FAF2: variants seen among roughly 807,000 people sequenced by gnomAD.
FAF2 encodes Fas associated factor family member 2.
FAF2 carries 9 observed loss-of-function variants against 62.3 expected under a neutral mutation model. That is an observed-to-expected ratio of 0.14 (90% CI 0.09 to 0.25). The LOEUF (loss-of-function observed/expected upper bound fraction) is 0.25. Ranked by LOEUF, FAF2 falls within the 10% of genes least tolerant of loss-of-function variation. The pLI is 1.00. For synonymous variants in FAF2, 202 were observed against 198.0 expected (o/e 1.02, Z -0.17); for missense variants, 368 against 556.2 (o/e 0.66, Z 3.40).
intron 1 of FAF2, among the ~76,000 whole-genome samples, chr5:176,454,137 A>G (rs1490880312): frequency 6.6e-6 from 1 of 151,062 alleles, no homozygotes; most frequent in Non-Finnish European, 1.5e-5. Context: ...TGGGTGCCAT[A>G]ATCTCAGCAC....
chr5:176,498,918 G>A lies in FAF2; in HGVS notation c.844G>A (p.Glu282Lys), dbSNP rs1450703301. The change falls in exon 9 of 11, where the codon GAA (glutamate) becomes AAA (lysine). Residue 282 changes from glutamate to lysine, a missense_variant. Physicochemically the swap from Glu to Lys is moderately conservative, Grantham distance 56. Transcript: ENST00000261942. ...YLVSERLERE[E>K]RNQTQVLRQQ... Reference sequence around the variant, plus strand: ...TTGCTTTTGATCTATTCACAGGGAAGAAAGAAACCAGACCCAAGTGCTGAG... The same window carrying A: ...TTGCTTTTGATCTATTCACAGGGAAAAAAGAAACCAGACCCAAGTGCTGAG... 6.3e-6 allele frequency: 10 copies of A among 1,591,288 alleles called. No homozygotes were observed. Among genetic ancestry groups the A allele is most frequent in the Non-Finnish European group, 8.6e-6 (10 of 1,169,214 alleles).
At chr5:176,464,116 CT>C (rs916187362) in intron 1 of FAF2, among the ~76,000 whole-genome samples, 2 of 151,822 alleles carry the variant, frequency 1.3e-5, no homozygotes, top group African/African-American at 4.8e-5. Flanking sequence ...TCCACTTATT[CT>C]TTTTTTTGTT....
At chr5:176,458,744 A>G (rs1227669280) in intron 1 of FAF2, among the ~76,000 whole-genome samples, 1 of 152,124 alleles carries the variant, frequency 6.6e-6, no homozygotes, top group Non-Finnish European at 1.5e-5. Flanking sequence ...AGTGGTATTG[A>G]TTAGAGCAGC....
At chr5:176,464,208 A>G (rs1275521032) in intron 1 of FAF2, among the ~76,000 whole-genome samples, 1 of 151,940 alleles carries the variant, frequency 6.6e-6, no homozygotes, top group Non-Finnish European at 1.5e-5. Flanking sequence ...TTGGCCTCCC[A>G]AAGTGTTGGG....
intron 1 of FAF2, among the ~76,000 whole-genome samples, chr5:176,449,054 C>T (rs1449697817): frequency 6.6e-6 from 1 of 152,198 alleles, no homozygotes; most frequent in African/African-American, 2.4e-5. Context: ...CATCAGTGGT[C>T]TGTCGGGATT....
In FAF2 at chr5:176,506,944, C is replaced by A; in HGVS notation, c.1332C>A (p.Asp444Glu). 1 of 1,517,636 alleles carries A rather than the reference C, an allele frequency of 6.6e-7. No individual in the cohort carries two copies. The highest frequency in any genetic ancestry group is 8.9e-7 in the Non-Finnish European group (1 of 1,123,844). The allele number at this position is 1,517,636 out of a possible 1,614,324, so 94.0% of individuals were successfully genotyped here. A position where few individuals can be genotyped will look rare whatever the true frequency, so the allele number is the denominator to read the frequency against. ...TTCTTTTTGTTCAGGACCTAACTGA[C>A]GAATGACATTTTTTTCTTCCTGTCC... The part of the protein sequence containing the change: ...TEVLFVQDLT[D>E]E Residue 444 changes from aspartate to glutamate, a missense_variant, in exon 11 of 11, where the codon GAC (aspartate) becomes GAA (glutamate). Asp to Glu is a conservative substitution (Grantham distance 45). Around this residue, in one of 2 missense-constraint regions of FAF2, gnomAD observed 37 missense variants for 114.3 expected, o/e 0.32. Coordinates refer to ENST00000261942, the MANE Select transcript of FAF2 (RefSeq NM_014613.3).
chr5:176,494,173 C>T lies in FAF2; in HGVS notation c.570-11C>T. 1 of 1,613,516 alleles carries T rather than the reference C, an allele frequency of 6.2e-7. No homozygotes were observed. Among genetic ancestry groups the T allele is most frequent in the East Asian group, 2.2e-5 (1 of 44,862 alleles). ...AAGTTGTTCTCATATCCTTTTCATA[C>T]CTTTCCACAGCAACACACTCTGTGC... On this transcript the variant is annotated splice_polypyrimidine_tract_variant and intron_variant, in intron 6 of 10. Coordinates refer to ENST00000261942, the MANE Select transcript of FAF2 (RefSeq NM_014613.3). The surrounding 1 kb of genome is among the most constrained non-coding windows in gnomAD (Gnocchi z 4.0).
rs1194361746 is a variant in FAF2 at position 176,493,447 on chromosome 5, G to A, written c.484-552G>A. On this transcript the variant is annotated intron_variant, in intron 5 of 10. Transcript: ENST00000261942. ...TGCTCAGGAGCACGCACATGCAGGA[G>A]CACGCACAGGAGTCTTCGGCGCTAG... 3.3e-5 allele frequency among the ~76,000 whole-genome samples: 5 copies of A among 152,350 alleles called. No homozygotes were observed. The South Asian group carries it at 6.2e-4, about 19-fold the overall frequency.
intron 10 of FAF2, among the ~76,000 whole-genome samples, chr5:176,503,226 C>G (rs1384762167): frequency 6.6e-6 from 1 of 151,918 alleles, no homozygotes; most frequent in Admixed American, 6.6e-5. Context: ...TTACATAAAA[C>G]CAAATAATGC....
chr5:176,468,129 C>T (rs913184645), intron 1 of FAF2, among the ~76,000 whole-genome samples: 5 of 152,254 alleles, frequency 3.3e-5, no homozygotes, highest in East Asian at 3.9e-4. Context: ...CTTGCCACTA[C>T]ACTCCAGCCT....
At chr5:176,477,389 G>T (rs928532765) in intron 1 of FAF2, among the ~76,000 whole-genome samples, 1 of 151,886 alleles carries the variant, frequency 6.6e-6, no homozygotes, top group Non-Finnish European at 1.5e-5. Flanking sequence ...GCCTGGCCTA[G>T]AGTCCAATTC....
rs200274458 is a variant in FAF2, at chr5:176,459,143, G to GT, written c.63+10679dup. On this transcript the variant is annotated intron_variant, in intron 1 of 10. Coordinates refer to ENST00000261942, the MANE Select transcript of FAF2 (RefSeq NM_014613.3). ...TCACCAGAAATCTCAATCCCAAAGA[G>GT]TTTTTTGTTGGATTCTTTTTTTTCT... Among the ~76,000 whole-genome samples the GT allele has an allele frequency of 5.5e-3, 830 of 150,854 alleles. 8 individuals are homozygous for GT. The highest frequency in any genetic ancestry group is 0.018 in the African/African-American group (755 of 41,200).
At chr5:176,479,295 T>G (rs1396909433) in intron 2 of FAF2, 39 bp downstream of exon 2, 1 of 1,522,314 alleles carries the variant, frequency 6.6e-7, no homozygotes, top group Non-Finnish European at 9.1e-7. Flanking sequence ...TCTTTTTCTC[T>G]GGTCTGATTA....
At chr5:176,473,201 TC>T (rs1158864899) in intron 1 of FAF2, among the ~76,000 whole-genome samples, 2 of 152,224 alleles carry the variant, frequency 1.3e-5, no homozygotes, top group African/African-American at 4.8e-5. Flanking sequence ...CATTTAGTAG[TC>T]ACATCTTAGG....
chr5:176,473,286 C>T (rs1209693658), intron 1 of FAF2, among the ~76,000 whole-genome samples: 1 of 152,074 alleles, frequency 6.6e-6, no homozygotes, highest in Non-Finnish European at 1.5e-5. Flanking sequence ...GAGTACCAGT[C>T]AGGTATTTTG....
At chr5:176,491,430 A>G (rs1050032071) in intron 4 of FAF2, among the ~76,000 whole-genome samples, 7 of 152,228 alleles carry the variant, frequency 4.6e-5, no homozygotes, top group Non-Finnish European at 2.9e-5. Flanking sequence ...AACTTCCTCC[A>G]TGGTTGCCAT....
At chr5:176,480,562 A>T (rs1173995397) in intron 2 of FAF2, among the ~76,000 whole-genome samples, 2 of 151,958 alleles carry the variant, frequency 1.3e-5, no homozygotes, top group African/African-American at 4.8e-5. Context: ...ACAAACATGT[A>T]ACACCATGCC....
intron 1 of FAF2, among the ~76,000 whole-genome samples, chr5:176,464,198 T>C (rs1303151536): frequency 2.0e-5 from 3 of 152,148 alleles, no homozygotes; most frequent in African/African-American, 7.2e-5. Flanking sequence ...GCCTCCTGCC[T>C]TGGCCTCCCA....
At chr5:176,476,207 C>T (rs570622318) in intron 1 of FAF2, among the ~76,000 whole-genome samples, 6 of 152,012 alleles carry the variant, frequency 3.9e-5, no homozygotes, top group Non-Finnish European at 7.4e-5. Context: ...TGCAAGTGAG[C>T]CAAGATCGTT....
Sources: gnomAD v4.1 joint callset for allele counts (sites outside exome capture counted in the v4.1 genomes callset) on GRCh38, gnomAD v4.1.1 for gene constraint, gnomAD v4.1.1 regional missense constraint, Gnocchi (gnomAD v3.1) non-coding constraint, MANE v1.5 for transcripts, NCBI Gene and HGNC (gene_info 2026-07-23, HGNC 2026-07-21) for gene names.